The following PROK2 variants were observed in gnomAD, a reference collection of about 807,000 sequenced individuals.
PROK2 encodes the protein prokineticin-2.
PROK2 carries 8 observed loss-of-function variants against 14.2 expected under a neutral mutation model. The ratio of observed to expected loss-of-function variants is 0.56; its 90% CI spans 0.33 to 1.02. The LOEUF is 1.02. Among genes scored for constraint, PROK2 ranks in the 50% least tolerant of loss-of-function variants. The pLI is 0.03. For synonymous variants in PROK2, 59 were observed against 60.7 expected (o/e 0.97, Z 0.13); for missense variants, 154 against 160.4 (o/e 0.96, Z 0.22).
At chr3:71,780,766 A>G (rs551551248) in intron 2 of PROK2, among the ~76,000 whole-genome samples, 1 of 152,180 alleles carries the variant, frequency 6.6e-6, no homozygotes, top group South Asian at 2.1e-4. Flanking sequence ...TGTAATATAA[A>G]CCTTCCTGAC....
intron 3 of PROK2, among the ~76,000 whole-genome samples, chr3:71,774,082 T>C (rs1394320934): frequency 6.6e-6 from 1 of 152,164 alleles, no homozygotes; most frequent in East Asian, 1.9e-4. Flanking sequence ...GTCTCAGAGA[T>C]GTTTCCAGAG....
Position 71,771,793 on chromosome 3 carries a change from C to G in PROK2, c.*931G>C, listed in dbSNP as rs2050081674. On this transcript the variant is annotated 3_prime_UTR_variant, in exon 4 of 4. Coordinates refer to ENST00000295619, the MANE Select transcript of PROK2 (RefSeq NM_001126128.2). ...TTACAATCGACCTTTCAGTTACAAA[C>G]AAGGTTTAAATTACAACTTAATACT... The G allele has an allele frequency of 6.6e-6, 1 of 152,544 alleles. No individual in the cohort carries two copies. The highest frequency in any genetic ancestry group is 2.1e-4 in the South Asian group (1 of 4,826). 9.4% of individuals were successfully genotyped at this position (152,544 alleles called of 1,614,324 possible). A position where few individuals can be genotyped will look rare whatever the true frequency, so the allele number is the denominator to read the frequency against.
At chr3:71,772,889 C>A (rs1298926029) in intron 3 of PROK2, 61 bp from the exon 4 acceptor site, 2 of 1,414,496 alleles carry the variant, frequency 1.4e-6, no homozygotes, top group African/African-American at 2.8e-5. Flanking sequence ...CAAACCAAAT[C>A]ATTCTTGAGA....
chr3:71,773,040 C>T (rs2050092588), intron 3 of PROK2, among the ~76,000 whole-genome samples: 1 of 152,138 alleles, frequency 6.6e-6, no homozygotes, highest in Admixed American at 6.5e-5. Flanking sequence ...AGTGCAGTGG[C>T]ACAATTTTGG....
chr3:71,782,756 A>G (rs1469301694), intron 1 of PROK2, among the ~76,000 whole-genome samples: 1 of 152,206 alleles, frequency 6.6e-6, no homozygotes, highest in Non-Finnish European at 1.5e-5. Context: ...AGATATAAAA[A>G]TATGGGTACA....
At chr3:71,777,779 A>G (rs1463937930) in intron 2 of PROK2, among the ~76,000 whole-genome samples, 1 of 152,190 alleles carries the variant, frequency 6.6e-6, no homozygotes, top group Non-Finnish European at 1.5e-5. Context: ...CAAAATGGGA[A>G]GGAAATGGCT....
chr3:71,776,030 G>A (rs189947072), intron 2 of PROK2, among the ~76,000 whole-genome samples: 2 of 152,264 alleles, frequency 1.3e-5, no homozygotes, highest in East Asian at 3.9e-4. Context: ...AGCCCAAGAG[G>A]CCGAAGCCCC....
chr3:71,780,933 G>GA (rs1331736609), intron 2 of PROK2, among the ~76,000 whole-genome samples: 1 of 152,154 alleles, frequency 6.6e-6, no homozygotes, highest in Non-Finnish European at 1.5e-5. Flanking sequence ...AAGCAAATTG[G>GA]AAAATTAAAT....
In PROK2 at chr3:71,776,206, A is replaced by C. The variant is rs142687395; in HGVS notation, c.223-1699T>G. On this transcript the variant is annotated intron_variant, in intron 2 of 3. Transcript: ENST00000295619. ...TCTGGATCTGCCTTGACTGACCCTA[A>C]CATAATGATTACACTGAACTGCAGG... 2.6e-5 allele frequency among the ~76,000 whole-genome samples: 4 copies of C among 152,200 alleles called. No homozygotes were observed. In the East Asian group the frequency reaches 7.7e-4, roughly 29 times the overall value.
Position 71,772,653 on chromosome 3 carries a change from T to A in PROK2, c.*71A>T. On this transcript the variant is annotated 3_prime_UTR_variant, in exon 4 of 4. Coordinates refer to ENST00000295619, the MANE Select transcript of PROK2 (RefSeq NM_001126128.2). ...CATTTCTTTCTGGCACATTTTTTGTTTGGCACAATCACAAGTAAGACTTTA... is the reference window on the plus strand; with the variant it reads ...CATTTCTTTCTGGCACATTTTTTGTATGGCACAATCACAAGTAAGACTTTA... The A allele has an allele frequency of 7.3e-7, 1 of 1,368,040 alleles. No homozygotes were observed. Among genetic ancestry groups the A allele is most frequent in the South Asian group, 1.2e-5 (1 of 84,448 alleles). 84.7% of individuals were successfully genotyped at this position (1,368,040 alleles called of 1,614,324 possible).
In PROK2 at chr3:71,781,336, A is replaced by G. The variant is rs977522310; in HGVS notation, c.222+131T>C. 7 of 1,187,352 alleles carry G rather than the reference A, an allele frequency of 5.9e-6. No homozygotes were observed. In the African/African-American group the frequency reaches 1.1e-4, roughly 18 times the overall value. 73.6% of individuals were successfully genotyped at this position (1,187,352 alleles called of 1,614,324 possible). On this transcript the variant is annotated intron_variant, in intron 2 of 3. Coordinates refer to ENST00000295619, the MANE Select transcript of PROK2 (RefSeq NM_001126128.2). Reference sequence around the variant, plus strand: ...GGGAGAGGAGAGGGGGTAGTTTTACACTGTTATCCTTGCTAATGTCCAATA... The same window carrying G: ...GGGAGAGGAGAGGGGGTAGTTTTACGCTGTTATCCTTGCTAATGTCCAATA...
chr3:71,784,919 G>T (rs1318051090), intron 1 of PROK2, 38 bp downstream of exon 1: 1 of 1,221,854 alleles, frequency 8.2e-7, no homozygotes. Context: ...CATCCCAGGC[G>T]CGCATCAGGG....
intron 2 of PROK2, among the ~76,000 whole-genome samples, chr3:71,779,853 G>T (rs1252977524): frequency 2.6e-5 from 4 of 152,124 alleles, no homozygotes; most frequent in Non-Finnish European, 5.9e-5. Context: ...CAAGCAAACT[G>T]CCTGCCTCAG....
chr3:71,784,895 A>G (rs1262570199), intron 1 of PROK2, 62 bp downstream of exon 1: 10 of 1,197,536 alleles, frequency 8.4e-6, no homozygotes, highest in Non-Finnish European at 1.0e-5. Context: ...TCCCCGTCCC[A>G]AGCCCCCTGG....
rs1321424478 is a variant in PROK2, at chr3:71,778,204, T to C, written c.222+3263A>G. Among the ~76,000 whole-genome samples, 4 of 151,080 alleles carry C rather than the reference T, an allele frequency of 2.6e-5. No homozygotes were observed. In the East Asian group the frequency reaches 7.8e-4, roughly 29 times the overall value. On this transcript the variant is annotated intron_variant, in intron 2 of 3. Coordinates refer to ENST00000295619, the MANE Select transcript of PROK2 (RefSeq NM_001126128.2). ...AAAGCGAGACTCTGTCTCAAAAAAA[T>C]AAATAAATAAAATAAAATAAAATAA...
intron 2 of PROK2, among the ~76,000 whole-genome samples, chr3:71,776,559 G>A (rs2050122057): frequency 6.6e-6 from 1 of 151,750 alleles, no homozygotes; most frequent in Non-Finnish European, 1.5e-5. Context: ...TGTATTTTTA[G>A]TCGAGACAGG....
At chr3:71,781,702 T>A in intron 1 of PROK2, 110 bp from the exon 2 acceptor site, 3 of 1,149,162 alleles carry the variant, frequency 2.6e-6, no homozygotes, top group Non-Finnish European at 3.8e-6. Context: ...ACTTGGACTT[T>A]AATAATCAGG....
At chr3:71,782,827 C>G (rs981583822) in intron 1 of PROK2, among the ~76,000 whole-genome samples, 1 of 152,142 alleles carries the variant, frequency 6.6e-6, no homozygotes, top group African/African-American at 2.4e-5. Context: ...TCATTTACTT[C>G]CCTCATTAGA....
At chr3:71,773,652 G>T (rs556727057) in intron 3 of PROK2, among the ~76,000 whole-genome samples, 3 of 152,182 alleles carry the variant, frequency 2.0e-5, no homozygotes, top group Admixed American at 1.3e-4. Flanking sequence ...CAGATGCCAG[G>T]AGTCAAAATG....
Sources: allele counts gnomAD v4.1 joint callset (sites outside exome capture counted in the v4.1 genomes callset), GRCh38; gene constraint gnomAD v4.1.1; transcripts MANE v1.5; gene names NCBI Gene and HGNC (gene_info 2026-07-23, HGNC 2026-07-21).